Variants in MAST4 observed in about 807,000 individuals in gnomAD.
MAST4 encodes microtubule associated serine/threonine kinase family member 4.
In MAST4, 89 loss-of-function variants were observed where a neutral mutation model predicts 162.7. That is an observed-to-expected ratio of 0.55 (90% CI 0.46 to 0.65). The LOEUF (loss-of-function observed/expected upper bound fraction) is 0.65, where lower values mean the gene tolerates loss of function less well. MAST4 is among the 30% of genes least tolerant of loss of function. The probability of loss-of-function intolerance (pLI) is 0.00; values close to 1 mark genes in which losing one functional copy is unlikely to be tolerated. For synonymous variants in MAST4, 1,479 were observed against 1,361.1 expected, an observed-to-expected ratio of 1.09 and a Z score of -1.91; for missense variants, 3,153 against 3,374.0, an observed-to-expected ratio of 0.93 and a Z score of 1.62.
chr5:66,632,066 C>T lies in MAST4; in HGVS notation c.363+35048C>T, dbSNP rs187845607. 7.2e-5 allele frequency among the ~76,000 whole-genome samples: 11 copies of T among 152,204 alleles called. No homozygotes were observed. In the East Asian group the frequency reaches 1.7e-3, roughly 24 times the overall value. On this transcript the variant is annotated intron_variant, in intron 1 of 28. Transcript: ENST00000403625. Reference sequence around the variant, plus strand: ...ATATGCTTAAAATCATAACATTTTTCTCCTTTGGATTATTTTCCTGGGAAA... The same window carrying T: ...ATATGCTTAAAATCATAACATTTTTTTCCTTTGGATTATTTTCCTGGGAAA...
chr5:66,845,126 T>TATATACAC lies in MAST4; in HGVS notation c.643-54824_643-54823insTATACACA, dbSNP rs1358855625. 1.1e-3 allele frequency among the ~76,000 whole-genome samples: 74 copies of TATATACAC among 67,134 alleles called. 1 individual carries two copies. Among genetic ancestry groups the TATATACAC allele is most frequent in the East Asian group, 4.0e-3 (5 of 1,248 alleles). The allele number at this position is 67,134 out of a possible 152,430, so 44.0% of individuals were successfully genotyped here. On this transcript the variant is annotated intron_variant, in intron 3 of 28. Transcript: ENST00000403625. ...ATATATATATATATATATATATATA[T>TATATACAC]ACACACACACACTTGAAGTTCTAGG...
chr5:66,768,312 C>G (rs1469653658), intron 2 of MAST4, among the ~76,000 whole-genome samples: 10 of 152,090 alleles, frequency 6.6e-5, no homozygotes, highest in Admixed American at 6.5e-4. Context: ...AGGAACAGGG[C>G]TGGGTATCCA....
intron 1 of MAST4, among the ~76,000 whole-genome samples, chr5:66,739,167 A>G (rs1752338871): frequency 6.6e-6 from 1 of 152,162 alleles, no homozygotes; most frequent in Non-Finnish European, 1.5e-5. Context: ...GCTTTTTCCT[A>G]TATTCTCATT....
chr5:66,620,235 A>C (rs968775521), intron 1 of MAST4, among the ~76,000 whole-genome samples: 9 of 152,134 alleles, frequency 5.9e-5, no homozygotes. Flanking sequence ...TTCACAACAA[A>C]GCAATTATAT....
At chr5:66,997,084 C>G (rs1309684376) in intron 4 of MAST4, among the ~76,000 whole-genome samples, 1 of 152,092 alleles carries the variant, frequency 6.6e-6, no homozygotes, top group East Asian at 1.9e-4. Context: ...TCCATATCCA[C>G]AAATCTGTGT....
intron 4 of MAST4, among the ~76,000 whole-genome samples, chr5:67,002,372 G>C (rs1371127698): frequency 6.6e-6 from 1 of 152,064 alleles, no homozygotes; most frequent in African/African-American, 2.4e-5. Flanking sequence ...CATTCAAAAA[G>C]GATTTACTAA....
At chr5:66,631,227 C>T (rs544587393) in intron 1 of MAST4, among the ~76,000 whole-genome samples, 2 of 152,038 alleles carry the variant, frequency 1.3e-5, no homozygotes, top group Non-Finnish European at 2.9e-5. Flanking sequence ...CTGTGAGTTG[C>T]CATAAATGGA....
At chr5:66,666,334 C>A (rs1444823541) in intron 1 of MAST4, among the ~76,000 whole-genome samples, 1 of 152,208 alleles carries the variant, frequency 6.6e-6, no homozygotes, top group East Asian at 1.9e-4. Context: ...GACTTCCAGT[C>A]AGCTAGAAGT....
Position 67,136,652 on chromosome 5 carries a change from A to C in MAST4, c.2482A>C (p.Arg828=). 1 of 1,597,914 alleles carries C rather than the reference A, an allele frequency of 6.3e-7. No individual in the cohort carries two copies. The highest frequency in any genetic ancestry group is 1.3e-5 in the African/African-American group (1 of 74,790). The change falls in exon 19 of 29, where the codon AGG becomes CGG. Residue 828 remains arginine (R), a synonymous_variant. Transcript: ENST00000403625. ...TLLLRQNPLE[R]LGTGGAYEVK... ...ACTCCTCAGGCAGAATCCCCTGGAG[A>C]GGCTGGGAACAGGTTAGAGCCCATG...
chr5:66,620,120 A>G (rs1404271841), intron 1 of MAST4, among the ~76,000 whole-genome samples: 1 of 148,986 alleles, frequency 6.7e-6, no homozygotes, highest in Non-Finnish European at 1.5e-5. Flanking sequence ...TGGTTATTAT[A>G]GTTCGCTGTT....
chr5:67,050,341 T>C (rs1028077496), intron 4 of MAST4, among the ~76,000 whole-genome samples: 22 of 152,306 alleles, frequency 1.4e-4, no homozygotes, highest in African/African-American at 5.3e-4. Flanking sequence ...TTCCTGGTGG[T>C]GACCTCATGT....
intron 3 of MAST4, among the ~76,000 whole-genome samples, chr5:66,854,250 C>T (rs755790117): frequency 6.6e-5 from 10 of 152,256 alleles, no homozygotes; most frequent in Non-Finnish European, 1.0e-4. Context: ...AATCAGGTAT[C>T]AGACACTCTT....
Position 66,965,810 on chromosome 5 carries a change from T to G in MAST4, c.674+65828T>G, listed in dbSNP as rs112999236. The stretch of plus-strand genomic sequence containing the variant: ...ATACTAAAGCTAAAAAGTTTGACTT[T>G]CATTTTGTAAGTGTTCAGGAGTCAG... On this transcript the variant is annotated intron_variant, in intron 4 of 28. Transcript: ENST00000403625. Among the ~76,000 whole-genome samples the G allele has an allele frequency of 5.9e-5, 9 of 152,290 alleles. 1 individual carries two copies. The highest frequency in any genetic ancestry group is 2.2e-4 in the African/African-American group (9 of 41,550).
Position 66,759,825 on chromosome 5 carries a change from A to C in MAST4, c.480A>C (p.Arg160Ser), listed in dbSNP as rs1177434771. 4.3e-6 allele frequency: 7 copies of C among 1,613,934 alleles called. No homozygotes were observed. Among genetic ancestry groups the C allele is most frequent in the African/African-American group, 1.3e-5 (1 of 75,042 alleles). Residue 160 changes from arginine to serine, a missense_variant, in exon 2 of 29, where the codon AGA (arginine) becomes AGC (serine). Coordinates refer to ENST00000403625, the MANE Select transcript of MAST4 (RefSeq NM_001164664.2). ...AAAGACAGCTGAGTGAGGATGGAAG[A>C]CAGCTAAGGCGAGGGAGCCTGGGAG... ...KYKRQLSEDG[R>S]QLRRGSLGGA...
intron 3 of MAST4, among the ~76,000 whole-genome samples, chr5:66,860,204 A>G (rs1259387350): frequency 6.6e-6 from 1 of 152,226 alleles, no homozygotes; most frequent in African/African-American, 2.4e-5. Context: ...TAAAATGGGC[A>G]TAAAAATAGC....
chr5:66,982,110 C>T (rs998105540), intron 4 of MAST4, among the ~76,000 whole-genome samples: 1 of 152,110 alleles, frequency 6.6e-6, no homozygotes, highest in Non-Finnish European at 1.5e-5. Flanking sequence ...ATTAACTTGT[C>T]CGGAGTCTTA....
intron 3 of MAST4, among the ~76,000 whole-genome samples, chr5:66,830,439 T>G (rs1349881815): frequency 1.3e-5 from 2 of 152,192 alleles, no homozygotes; most frequent in East Asian, 3.8e-4. Flanking sequence ...TTAAAATATT[T>G]GCTACAAAAC....
In MAST4 at chr5:67,166,595, T is replaced by TA. The variant is rs1296710253; in HGVS notation, c.7417dup (p.Arg2473LysfsTer31). The TA allele has an allele frequency of 2.3e-5, 37 of 1,601,852 alleles. No homozygotes were observed. The highest frequency in any genetic ancestry group is 3.2e-5 in the Non-Finnish European group (37 of 1,174,596). The stretch of plus-strand genomic sequence containing the variant: ...GCTTCCCTGAAACCAGGGCCGGAGT[T>TA]AGAGAGGCCTCTGCAGCCAGCAGCG... On this transcript the variant is annotated frameshift_variant, in exon 29 of 29. Transcript: ENST00000403625. LOFTEE classifies it low-confidence loss of function (END_TRUNC).
At chr5:67,150,544 G>C (rs554380669) in intron 24 of MAST4, among the ~76,000 whole-genome samples, 5 of 152,286 alleles carry the variant, frequency 3.3e-5, no homozygotes, top group African/African-American at 1.2e-4. Context: ...CTCTTCATAA[G>C]CTGAAGATGA....
Sources: allele counts gnomAD v4.1 joint callset (sites outside exome capture counted in the v4.1 genomes callset), GRCh38; gene constraint gnomAD v4.1.1; transcripts MANE v1.5; gene names NCBI Gene and HGNC (gene_info 2026-07-23, HGNC 2026-07-21).